Variants in MAGT1 observed in about 807,000 individuals in gnomAD.
MAGT1 encodes the protein magnesium transporter 1.
A neutral mutation model predicts 28.4 loss-of-function variants in MAGT1; 4 were observed. That is an observed-to-expected ratio of 0.14 (90% confidence interval 0.07 to 0.32). MAGT1 has a LOEUF of 0.32. Among genes scored for constraint, MAGT1 ranks in the 10% least tolerant of loss-of-function variants. MAGT1 has a pLI of 1.00. For missense variants in MAGT1, 193 were observed against 264.5 expected, an observed-to-expected ratio of 0.73 and a Z score of 1.88; for synonymous variants, 89 against 89.7, an observed-to-expected ratio of 0.99 and a Z score of 0.04.
At chrX:77,853,843 A>G in intron 7 of MAGT1, 58 bp downstream of exon 7, 1 of 964,768 alleles carries the variant, frequency 1.0e-6, no homozygotes, top group Admixed American at 2.2e-5. Flanking sequence ...TAGAGAGAAT[A>G]CTAGACTGTG....
rs188130799 is a variant in MAGT1, at chrX:77,858,976, G to C, written c.391-1479C>G. 3.6e-5 allele frequency among the ~76,000 whole-genome samples: 4 copies of C among 111,556 alleles called. No individual in the cohort carries two copies. In the East Asian group the frequency reaches 1.1e-3, roughly 31 times the overall value. On this transcript the variant is annotated intron_variant, in intron 3 of 9. Coordinates refer to ENST00000618282, the MANE Select transcript of MAGT1 (RefSeq NM_001367916.1). Reference sequence around the variant, plus strand: ...TGTAATCCCAGCACTTTGGGAGGCCGAGGTGGGCAGATAATGAGGTCAGGA... The same window carrying C: ...TGTAATCCCAGCACTTTGGGAGGCCCAGGTGGGCAGATAATGAGGTCAGGA...
intron 2 of MAGT1, among the ~76,000 whole-genome samples, chrX:77,874,200 C>A (rs187540791): frequency 9.4e-6 from 1 of 106,780 alleles, no homozygotes; most frequent in African/African-American, 3.4e-5. Context: ...CCAGGCTGGT[C>A]TCCAATGCCT....
intron 7 of MAGT1, among the ~76,000 whole-genome samples, chrX:77,844,127 C>A (rs922045861): frequency 9.0e-6 from 1 of 111,083 alleles, no homozygotes; most frequent in African/African-American, 3.3e-5. Context: ...AATTTCAGAG[C>A]CTGTTATTGG....
At chrX:77,859,328 G>A (rs2076989089) in intron 3 of MAGT1, among the ~76,000 whole-genome samples, 1 of 112,415 alleles carries the variant, frequency 8.9e-6, no homozygotes, top group Admixed American at 9.5e-5. Context: ...GGCAGCCACA[G>A]TTACCATTTA....
chrX:77,827,154 A>T lies in MAGT1; in HGVS notation c.*2066T>A, dbSNP rs2076884639. The T allele has an allele frequency of 9.0e-6, 1 of 111,722 alleles. No homozygotes were observed. Among genetic ancestry groups the T allele is most frequent in the African/African-American group, 3.2e-5 (1 of 30,802 alleles). The allele number at this position is 111,722 out of a possible 1,213,427, so 9.2% of individuals were successfully genotyped here. A position where few individuals can be genotyped will look rare whatever the true frequency, so the allele number is the denominator to read the frequency against. On this transcript the variant is annotated 3_prime_UTR_variant, in exon 10 of 10. Transcript: ENST00000618282. Reference sequence around the variant, plus strand: ...ATAGTGGCATTTCAGGTTACTCTTCATAACTATGGGGGAGGTTATAGTTAG... The same window carrying T: ...ATAGTGGCATTTCAGGTTACTCTTCTTAACTATGGGGGAGGTTATAGTTAG...
chrX:77,891,539 G>A (rs1262269084), intron 1 of MAGT1, among the ~76,000 whole-genome samples: 2 of 111,370 alleles, frequency 1.8e-5, no homozygotes, highest in Non-Finnish European at 3.8e-5. Flanking sequence ...CTTATCTTTC[G>A]AAGGGGTTAA....
rs782556754 is a variant in MAGT1, at chrX:77,842,564, C to T, written c.827-1244G>A. ...AATCCTGGCCGTGCGTGGTGGCTCA[C>T]GCCTGTACTCCCAGCACTTTGAGAG... On this transcript the variant is annotated intron_variant, in intron 7 of 9. Coordinates refer to ENST00000618282, the MANE Select transcript of MAGT1 (RefSeq NM_001367916.1). Among the ~76,000 whole-genome samples the T allele has an allele frequency of 2.5e-4, 28 of 111,992 alleles. 1 individual carries two copies. The highest frequency in any genetic ancestry group is 2.0e-3 in the Admixed American group (21 of 10,449).
At chrX:77,841,810 C>T (rs1399251319) in intron 7 of MAGT1, among the ~76,000 whole-genome samples, 1 of 106,679 alleles carries the variant, frequency 9.4e-6, no homozygotes, top group Non-Finnish European at 1.9e-5. Flanking sequence ...TGAGTAGCTG[C>T]AACTACAGGT....
Position 77,862,813 on chromosome X carries a change from T to C in MAGT1, c.391-5316A>G, listed in dbSNP as rs370460930. Among the ~76,000 whole-genome samples, 4 of 111,648 alleles carry C rather than the reference T, an allele frequency of 3.6e-5. No individual in the cohort carries two copies. The South Asian group carries it at 1.5e-3, about 42-fold the overall frequency. The stretch of plus-strand genomic sequence containing the variant: ...ACATTTTCCTACTTTCTCTAATAAA[T>C]CTGCCTTTCTTTACCTTAAACGAAC... On this transcript the variant is annotated intron_variant, in intron 3 of 9. Transcript: ENST00000618282.
At chrX:77,838,340 A>G (rs1557214089) in intron 8 of MAGT1, among the ~76,000 whole-genome samples, 2 of 110,107 alleles carry the variant, frequency 1.8e-5, no homozygotes, top group African/African-American at 6.6e-5. Context: ...GCCTGTGGTC[A>G]TAGCTACCTG....
At chrX:77,870,220 A>T (rs1334686132) in intron 3 of MAGT1, among the ~76,000 whole-genome samples, 1 of 110,760 alleles carries the variant, frequency 9.0e-6, no homozygotes, top group Non-Finnish European at 1.9e-5. Context: ...AAGGCATAAG[A>T]TTGATATAAT....
intron 8 of MAGT1, among the ~76,000 whole-genome samples, chrX:77,839,843 A>G (rs2076930011): frequency 9.2e-6 from 1 of 108,928 alleles, no homozygotes; most frequent in Non-Finnish European, 1.9e-5. Flanking sequence ...GGGTTTCATC[A>G]TGTTCATCAG....
chrX:77,866,027 C>T lies in MAGT1; in HGVS notation c.390+4781G>A, dbSNP rs782406537. 1.4e-4 allele frequency among the ~76,000 whole-genome samples: 9 copies of T among 65,460 alleles called. 2 individuals are homozygous for T. Among genetic ancestry groups the T allele is most frequent in the South Asian group, 1.4e-3 (2 of 1,469 alleles). The allele number at this position is 65,460 out of a possible 115,157, so 56.8% of individuals were successfully genotyped here. On this transcript the variant is annotated intron_variant, in intron 3 of 9. Coordinates refer to ENST00000618282, the MANE Select transcript of MAGT1 (RefSeq NM_001367916.1). ...AAAAAAAATTAGCCAGGTGTGGTGG[C>T]GCGTGCCTGTAATCCCAGATACTCT...
rs977105951 is a variant in MAGT1, at chrX:77,837,240, A to G, written c.901+4006T>C. 3 of 111,347 alleles carry G rather than the reference A, an allele frequency of 2.7e-5. No individual in the cohort carries two copies. In the South Asian group the frequency reaches 1.1e-3, roughly 42 times the overall value. The allele number at this position is 111,347 out of a possible 1,213,427, so 9.2% of individuals were successfully genotyped here. A position where few individuals can be genotyped will look rare whatever the true frequency, so the allele number is the denominator to read the frequency against. On this transcript the variant is annotated intron_variant, in intron 8 of 9. Coordinates refer to ENST00000618282, the MANE Select transcript of MAGT1 (RefSeq NM_001367916.1). ...ACCCTGAACGCGCCTGATCTCGTAA[A>G]AAGTCAGGCAGTGAAAGGACATATA...
intron 1 of MAGT1, among the ~76,000 whole-genome samples, chrX:77,879,803 A>G (rs1321199686): frequency 1.9e-5 from 2 of 107,262 alleles, no homozygotes; most frequent in Non-Finnish European, 3.8e-5. Flanking sequence ...CACTTTAGAA[A>G]GTAACATGGA....
At chrX:77,878,295 A>T in intron 1 of MAGT1, among the ~76,000 whole-genome samples, 1 of 99,029 alleles carries the variant, frequency 1.0e-5, no homozygotes, top group East Asian at 3.1e-4. Flanking sequence ...GATGCAAAAA[A>T]AAAAAAAAAA....
chrX:77,860,932 T>C (rs781904420), intron 3 of MAGT1, among the ~76,000 whole-genome samples: 3 of 111,461 alleles, frequency 2.7e-5, no homozygotes, highest in African/African-American at 9.8e-5. Context: ...TCCTAGCACG[T>C]TGGGAGGCCA....
At chrX:77,852,873 C>T (rs1158297423) in intron 7 of MAGT1, among the ~76,000 whole-genome samples, 1 of 111,873 alleles carries the variant, frequency 8.9e-6, no homozygotes, top group Non-Finnish European at 1.9e-5. Flanking sequence ...GCTAGGATTA[C>T]AGGTGTGAGC....
chrX:77,846,510 T>G (rs782063198), intron 7 of MAGT1, among the ~76,000 whole-genome samples: 9 of 112,322 alleles, frequency 8.0e-5, no homozygotes, highest in African/African-American at 2.9e-4. Flanking sequence ...AGAGGCACTC[T>G]GATTTTTAGA....
Sources: allele counts gnomAD v4.1 joint callset (sites outside exome capture counted in the v4.1 genomes callset), GRCh38; gene constraint gnomAD v4.1.1; transcripts MANE v1.5; gene names NCBI Gene and HGNC (gene_info 2026-07-23, HGNC 2026-07-21).